The following PRKG1 variants were observed in gnomAD, a reference collection of about 807,000 sequenced individuals.
The protein encoded by PRKG1 is cGMP-dependent protein kinase 1.
A neutral mutation model predicts 88.1 loss-of-function variants in PRKG1; 35 were observed. The ratio of observed to expected loss-of-function variants is 0.40; its 90% CI spans 0.30 to 0.53. The LOEUF is 0.53. Among genes scored for constraint, PRKG1 ranks in the 20% least tolerant of loss-of-function variants. PRKG1 has a pLI of 0.59. For missense variants in PRKG1, 540 were observed against 839.8 expected (o/e 0.64, Z 4.41); for synonymous variants, 303 against 292.5 (o/e 1.04, Z -0.37).
chr10:52,197,525 A>C (rs1257729314), intron 9 of PRKG1, among the ~76,000 whole-genome samples: 1 of 152,236 alleles, frequency 6.6e-6, no homozygotes, highest in Admixed American at 6.5e-5. Context: ...AATGCTGCAC[A>C]TGAAGCCACC....
chr10:52,153,612 T>C (rs1382201163), intron 8 of PRKG1, among the ~76,000 whole-genome samples: 1 of 152,236 alleles, frequency 6.6e-6, no homozygotes, highest in Non-Finnish European at 1.5e-5. Flanking sequence ...ATGTGTTCTT[T>C]AGCTGTTTTA....
At chr10:51,700,341 G>A (rs949474572) in intron 3 of PRKG1, among the ~76,000 whole-genome samples, 1 of 152,050 alleles carries the variant, frequency 6.6e-6, no homozygotes, top group Non-Finnish European at 1.5e-5. Context: ...AATAACAACC[G>A]ATTTCAATAT....
At chr10:51,695,187 T>C (rs1211471635) in intron 3 of PRKG1, among the ~76,000 whole-genome samples, 2 of 152,174 alleles carry the variant, frequency 1.3e-5, no homozygotes, top group Admixed American at 6.5e-5. Flanking sequence ...TTGTCAGTAA[T>C]GAAGATAGCT....
chr10:51,114,978 T>C (rs1244716915), intron 1 of PRKG1, among the ~76,000 whole-genome samples: 1 of 152,100 alleles, frequency 6.6e-6, no homozygotes, highest in Non-Finnish European at 1.5e-5. Flanking sequence ...ATGTGCAATA[T>C]CTGATATATT....
At chr10:51,068,117 C>T (rs1204380654) in intron 1 of PRKG1, among the ~76,000 whole-genome samples, 6 of 151,966 alleles carry the variant, frequency 3.9e-5, no homozygotes, top group Admixed American at 1.3e-4. Context: ...ATATCTTGGC[C>T]CTGGAATGAT....
chr10:51,019,180 A>G (rs1466305208), intron 1 of PRKG1, among the ~76,000 whole-genome samples: 5 of 152,164 alleles, frequency 3.3e-5, no homozygotes, highest in Admixed American at 3.3e-4. Context: ...ACACAATGCT[A>G]TGGAAGATTT....
At chr10:51,268,568 G>A (rs1010911894) in intron 2 of PRKG1, among the ~76,000 whole-genome samples, 1 of 143,876 alleles carries the variant, frequency 7.0e-6, no homozygotes, top group African/African-American at 2.6e-5. Context: ...GCCCGGCTCA[G>A]CAGTCAGAGT....
At chr10:51,986,012 A>G (rs1844147845) in intron 5 of PRKG1, among the ~76,000 whole-genome samples, 1 of 152,196 alleles carries the variant, frequency 6.6e-6, no homozygotes, top group African/African-American at 2.4e-5. Context: ...AACACAATAC[A>G]CTATAGGGTA....
At chr10:51,079,280 A>C (rs954079573) in intron 1 of PRKG1, among the ~76,000 whole-genome samples, 12 of 152,184 alleles carry the variant, frequency 7.9e-5, no homozygotes, top group Non-Finnish European at 1.6e-4. Context: ...AAGTAGATAG[A>C]GTAAGGTAAG....
chr10:52,280,132 G>T (rs1841970052), intron 12 of PRKG1, among the ~76,000 whole-genome samples: 1 of 151,972 alleles, frequency 6.6e-6, no homozygotes, highest in South Asian at 2.1e-4. Flanking sequence ...CTTTGTAATT[G>T]TCTTTTAGTC....
At chr10:51,932,759 A>G (rs1252279364) in intron 5 of PRKG1, among the ~76,000 whole-genome samples, 1 of 152,086 alleles carries the variant, frequency 6.6e-6, no homozygotes, top group Admixed American at 6.6e-5. Flanking sequence ...TAGCTTTACA[A>G]TTTCTGTTTC....
intron 5 of PRKG1, among the ~76,000 whole-genome samples, chr10:52,015,493 G>T (rs899598117): frequency 6.6e-5 from 10 of 152,204 alleles, no homozygotes; most frequent in Non-Finnish European, 8.8e-5. Flanking sequence ...GATGGCAGGG[G>T]CTGCTGCAAA....
At chr10:51,854,795 C>T (rs985759233) in intron 4 of PRKG1, among the ~76,000 whole-genome samples, 1 of 152,004 alleles carries the variant, frequency 6.6e-6, no homozygotes, top group African/African-American at 2.4e-5. Flanking sequence ...TTTAAAAAAT[C>T]ATTTTGGTAC....
intron 9 of PRKG1, among the ~76,000 whole-genome samples, chr10:52,191,193 G>T (rs190752558): frequency 1.3e-5 from 2 of 152,018 alleles, no homozygotes; most frequent in Admixed American, 6.6e-5. Context: ...TCGCTCTGTC[G>T]CCAAGGCTGG....
chr10:51,821,125 G>C (rs1589319479), intron 4 of PRKG1, among the ~76,000 whole-genome samples: 1 of 152,002 alleles, frequency 6.6e-6, no homozygotes, highest in South Asian at 2.1e-4. Context: ...TCTGTGTCTG[G>C]TTTCTTTTGC....
intron 2 of PRKG1, among the ~76,000 whole-genome samples, chr10:51,316,737 G>C (rs964618932): frequency 2.0e-5 from 3 of 150,160 alleles, no homozygotes; most frequent in African/African-American, 2.4e-5. Flanking sequence ...TTGCGATAAT[G>C]GTATTATTAC....
At chr10:51,017,649 A>AT (rs921406850) in intron 1 of PRKG1, among the ~76,000 whole-genome samples, 3 of 152,020 alleles carry the variant, frequency 2.0e-5, no homozygotes, top group Admixed American at 2.0e-4. Context: ...CTGACTTCAA[A>AT]TTTTTTCCTG....
intron 9 of PRKG1, among the ~76,000 whole-genome samples, chr10:52,166,839 GTATA>G (rs375678645): frequency 2.2e-5 from 2 of 90,484 alleles, no homozygotes; most frequent in Non-Finnish European, 2.0e-5. Context: ...GTATATATAT[GTATA>G]TATATGTCTA....
intron 4 of PRKG1, among the ~76,000 whole-genome samples, chr10:51,817,347 A>ACCCCCCCCCCC (rs367740899): frequency 1.5e-5 from 2 of 129,590 alleles, no homozygotes; most frequent in Non-Finnish European, 3.4e-5. Context: ...TCCCTCCCCA[A>ACCCCCCCCCCC]CCCCCCCCCT....
Sources: allele counts gnomAD v4.1 joint callset (sites outside exome capture counted in the v4.1 genomes callset), GRCh38; gene constraint gnomAD v4.1.1; transcripts MANE v1.5; gene names NCBI Gene and HGNC (gene_info 2026-07-23, HGNC 2026-07-21).